Variants in MRC1 observed in about 807,000 individuals in gnomAD.
The protein encoded by MRC1 is mannose receptor C-type 1, also known as macrophage mannose receptor 1.
In MRC1, 62 loss-of-function variants were observed where a neutral mutation model predicts 102.9. The ratio of observed to expected loss-of-function variants is 0.60; its 90% CI spans 0.49 to 0.74. The LOEUF (loss-of-function observed/expected upper bound fraction) is 0.74, where lower values mean the gene tolerates loss of function less well. MRC1 is among the 30% of genes least tolerant of loss of function. The pLI is 0.00. For synonymous variants in MRC1, 457 were observed against 298.4 expected (o/e 1.53, Z -5.48); for missense variants, 1,237 against 862.8 (o/e 1.43, Z -5.43).
chr10:17,836,257 T>G (rs1838660244), intron 4 of MRC1, among the ~76,000 whole-genome samples: 2 of 152,148 alleles, frequency 1.3e-5, no homozygotes, highest in African/African-American at 4.8e-5. Flanking sequence ...AGACCGAGGA[T>G]AGAAAAGCAA....
At chr10:17,887,824 G>T (rs2130701310) in intron 22 of MRC1, among the ~76,000 whole-genome samples, 1 of 152,138 alleles carries the variant, frequency 6.6e-6, no homozygotes, top group South Asian at 2.1e-4. Flanking sequence ...ATTTTTTTGA[G>T]ATGGAGTCTC....
chr10:17,832,741 C>G lies in MRC1; in HGVS notation c.638-934C>G, dbSNP rs889907710. On this transcript the variant is annotated intron_variant, in intron 3 of 29. Coordinates refer to ENST00000569591, the MANE Select transcript of MRC1 (RefSeq NM_002438.4). ...TAGCTGGGACTACAGGCGCCCGCCACCACGCCCGGCTAATTTTTTTTGTAT... is the reference window on the plus strand; with the variant it reads ...TAGCTGGGACTACAGGCGCCCGCCAGCACGCCCGGCTAATTTTTTTTGTAT... 1.7e-4 allele frequency among the ~76,000 whole-genome samples: 25 copies of G among 151,162 alleles called. No individual in the cohort carries two copies. The East Asian group carries it at 1.8e-3, about 11-fold the overall frequency.
chr10:17,892,698 A>G (rs1554843230), intron 22 of MRC1, among the ~76,000 whole-genome samples: 1 of 152,162 alleles, frequency 6.6e-6, no homozygotes, highest in Non-Finnish European at 1.5e-5. Context: ...AAAGTAGAAA[A>G]TTGATATAGT....
At chr10:17,886,810 C>A (rs1833603277) in intron 22 of MRC1, among the ~76,000 whole-genome samples, 1 of 152,140 alleles carries the variant, frequency 6.6e-6, no homozygotes, top group Admixed American at 6.5e-5. Flanking sequence ...GCAAGAGATA[C>A]ATGATGTGTT....
chr10:17,907,406 C>T, intron 27 of MRC1, 128 bp from the exon 28 acceptor site: 1 of 712,308 alleles, frequency 1.4e-6, no homozygotes, highest in Middle Eastern at 3.7e-4. Flanking sequence ...CCTGTTAAGT[C>T]TGGTTATAAA....
chr10:17,885,310 T>G lies in MRC1; in HGVS notation c.3022T>G (p.Trp1008Gly). The G allele has an allele frequency of 1.3e-6, 1 of 780,908 alleles. No homozygotes were observed. Among genetic ancestry groups the G allele is most frequent in the Non-Finnish European group, 2.4e-6 (1 of 417,950 alleles). The allele number at this position is 780,908 out of a possible 1,614,324, so 48.4% of individuals were successfully genotyped here. The change falls in exon 22 of 30, where the codon TGG (tryptophan) becomes GGG (glycine). Residue 1008 changes from tryptophan (W) to glycine (G), a missense_variant. Transcript: ENST00000569591. Reference protein sequence around the residue: ...YHMKDSTFSAWTGLNDVNSEH... With the variant: ...YHMKDSTFSAGTGLNDVNSEH... ...CATGAAGGACTCCACTTTCAGTGCC[T>G]GGACTGGGCTGAATGATGTCAATTC...
intron 21 of MRC1, among the ~76,000 whole-genome samples, chr10:17,883,149 A>G (rs1294545047): frequency 1.3e-5 from 2 of 152,168 alleles, no homozygotes; most frequent in African/African-American, 2.4e-5. Context: ...CTTTTTAGAG[A>G]TAGGGTCTCG....
intron 29 of MRC1, 112 bp downstream of exon 29, chr10:17,909,459 G>T (rs1833940055): frequency 1.4e-6 from 1 of 731,116 alleles, no homozygotes; most frequent in Non-Finnish European, 2.5e-6. Flanking sequence ...AGTAGAATTT[G>T]CTTAAGCTAA....
At position 17,821,560 on chromosome 10, in the gene MRC1, G is replaced by T. The variant is rs1016227601; in HGVS notation, c.62-1514G>T. 4.7e-4 allele frequency among the ~76,000 whole-genome samples: 72 copies of T among 152,028 alleles called. 3 individuals carry two copies. Among genetic ancestry groups the T allele is most frequent in the Non-Finnish European group, 1.6e-4 (11 of 67,980 alleles). On this transcript the variant is annotated intron_variant, in intron 1 of 29. Transcript: ENST00000569591. ...GAGATGATCATTTCAAGGTAGGATAGAGGCAGGAGATCTGGAACTAGTGTG... is the reference window on the plus strand; with the variant it reads ...GAGATGATCATTTCAAGGTAGGATATAGGCAGGAGATCTGGAACTAGTGTG...
At chr10:17,827,384 AAAAAAAAAAAAAAAAAAAAAAAAAAAG>A (rs1838494760) in intron 2 of MRC1, among the ~76,000 whole-genome samples, 131 bp from the exon 3 acceptor site, 2 of 40,094 alleles carry the variant, frequency 5.0e-5, no homozygotes, top group Non-Finnish European at 1.0e-4. Flanking sequence ...AAAAAAAAAA[AAAAAAAAAAAAAAAAAAAAAAAAAAAG>A]AAATCCCTCT....
At chr10:17,879,981 C>G (rs1429807078) in intron 19 of MRC1, among the ~76,000 whole-genome samples, 160 bp downstream of exon 19, 1 of 152,136 alleles carries the variant, frequency 6.6e-6, no homozygotes, top group Non-Finnish European at 1.5e-5. Context: ...CAACTTGTAA[C>G]GAGAATAGAT....
intron 9 of MRC1, among the ~76,000 whole-genome samples, chr10:17,860,276 T>G: frequency 8.5e-6 from 1 of 117,816 alleles, no homozygotes; most frequent in African/African-American, 2.8e-5. Flanking sequence ...GCATTTCTGT[T>G]TTTTTTTTTT....
chr10:17,867,652 G>A (rs981817705), intron 12 of MRC1, among the ~76,000 whole-genome samples: 1 of 151,962 alleles, frequency 6.6e-6, no homozygotes, highest in Non-Finnish European at 1.5e-5. Context: ...CAAACTCCTC[G>A]TGTCAATTGA....
rs1838884875 is a variant in MRC1 at position 17,849,718 on chromosome 10, C to G, written c.1203C>G (p.Ile401Met). 1.3e-6 allele frequency: 1 copy of G among 780,836 alleles called. No homozygotes were observed. The highest frequency in any genetic ancestry group is 1.7e-5 in the African/African-American group (1 of 59,088). The allele number at this position is 780,836 out of a possible 1,614,324, so 48.4% of individuals were successfully genotyped here. Residue 401 changes from isoleucine (I) to methionine (M), a missense_variant, in exon 7 of 30, where the codon ATC becomes ATG. Ile to Met is a conservative substitution (Grantham distance 10). Coordinates refer to ENST00000569591, the MANE Select transcript of MRC1 (RefSeq NM_002438.4). ...AGGAAGGCGGTGACCTCACAAGTAT[C>G]CACACCATCGAGGAATTGGACTTTA... ...CRKEGGDLTS[I>M]HTIEELDFII...
At chr10:17,811,756 T>A (rs1174923345) in intron 1 of MRC1, among the ~76,000 whole-genome samples, 2 of 152,068 alleles carry the variant, frequency 1.3e-5, no homozygotes, top group Admixed American at 6.6e-5. Context: ...TTTTTTATTT[T>A]TTTTTATTTT....
At chr10:17,867,333 TTCC>T (rs1185755286) in intron 12 of MRC1, among the ~76,000 whole-genome samples, 3 of 145,988 alleles carry the variant, frequency 2.1e-5, no homozygotes, top group East Asian at 2.1e-4. Context: ...CTTCTTCTTC[TTCC>T]TCCTCCTCCT....
chr10:17,853,647 G>C (rs181917868), intron 8 of MRC1, among the ~76,000 whole-genome samples: 2,607 of 151,836 alleles, frequency 0.017, 83 homozygotes, highest in African/African-American at 0.06. Flanking sequence ...GTATATATGT[G>C]AGAGATATAT....
At chr10:17,852,649 G>A (rs1554840614) in intron 7 of MRC1, among the ~76,000 whole-genome samples, 1 of 152,174 alleles carries the variant, frequency 6.6e-6, no homozygotes, top group Non-Finnish European at 1.5e-5. Context: ...ATAGAGCATA[G>A]TAATAGACCT....
At chr10:17,890,585 G>T (rs963614875) in intron 22 of MRC1, among the ~76,000 whole-genome samples, 4 of 152,092 alleles carry the variant, frequency 2.6e-5, no homozygotes, top group Non-Finnish European at 5.9e-5. Context: ...TTTTACATTA[G>T]AGCCCTTAGC....
Sources: allele counts gnomAD v4.1 joint callset (sites outside exome capture counted in the v4.1 genomes callset), GRCh38; gene constraint gnomAD v4.1.1; transcripts MANE v1.5; gene names NCBI Gene and HGNC (gene_info 2026-07-23, HGNC 2026-07-21).